ARL15: variants seen among roughly 807,000 people sequenced by gnomAD.
ARL15 encodes the protein ARF like GTPase 15.
Under a neutral mutation model 25.2 loss-of-function variants are expected in ARL15, and 19 were observed. The ratio of observed to expected loss-of-function variants is 0.75; its 90% CI spans 0.53 to 1.10. The LOEUF is 1.10. ARL15 is among the 50% of genes least tolerant of loss of function. The pLI is 0.00. For missense variants in ARL15, 220 were observed against 246.0 expected, an observed-to-expected ratio of 0.89 and a Z score of 0.71; for synonymous variants, 94 against 86.8, an observed-to-expected ratio of 1.08 and a Z score of -0.46.
intron 1 of ARL15, among the ~76,000 whole-genome samples, chr5:54,227,368 A>G (rs1756553501): frequency 6.6e-6 from 1 of 152,158 alleles, no homozygotes; most frequent in African/African-American, 2.4e-5. Context: ...ACCTAACCTC[A>G]TTGCCTTTAC....
chr5:54,013,707 GA>G (rs1419775872), intron 4 of ARL15, among the ~76,000 whole-genome samples: 1 of 152,120 alleles, frequency 6.6e-6, no homozygotes, highest in Non-Finnish European at 1.5e-5. Flanking sequence ...GCAACTGACT[GA>G]CTCCATCTAG....
intron 3 of ARL15, 59 bp from the exon 4 acceptor site, chr5:54,113,469 TC>T: frequency 2.0e-6 from 3 of 1,511,878 alleles, no homozygotes; most frequent in Non-Finnish European, 2.7e-6. Context: ...TGAAAAATGT[TC>T]CCAACAGTAA....
intron 4 of ARL15, among the ~76,000 whole-genome samples, chr5:53,906,204 C>T (rs961451472): frequency 1.3e-5 from 2 of 152,146 alleles, no homozygotes; most frequent in Non-Finnish European, 2.9e-5. Context: ...TATATGAAGT[C>T]GTGGACACCA....
At chr5:54,200,168 T>C in intron 1 of ARL15, among the ~76,000 whole-genome samples, 1 of 146,704 alleles carries the variant, frequency 6.8e-6, no homozygotes, top group African/African-American at 2.5e-5. Flanking sequence ...GGGGCAGGGA[T>C]AGCACCAGGA....
At chr5:54,003,690 AT>A in intron 4 of ARL15, among the ~76,000 whole-genome samples, 3 of 151,998 alleles carry the variant, frequency 2.0e-5, no homozygotes, top group Middle Eastern at 3.4e-3. Flanking sequence ...CTATCTATCT[AT>A]CTATCTATCT....
chr5:54,220,929 T>C (rs1044356169), intron 1 of ARL15, among the ~76,000 whole-genome samples: 2 of 152,126 alleles, frequency 1.3e-5, no homozygotes, highest in Non-Finnish European at 2.9e-5. Context: ...TGTGTCTTTT[T>C]TTTTTCCCTT....
At chr5:54,025,967 G>C (rs902380330) in intron 4 of ARL15, among the ~76,000 whole-genome samples, 23 of 152,190 alleles carry the variant, frequency 1.5e-4, no homozygotes, top group African/African-American at 5.1e-4. Flanking sequence ...CCAAGAAGCA[G>C]AGGGCTTGAT....
intron 3 of ARL15, among the ~76,000 whole-genome samples, chr5:54,143,978 A>G (rs1243650815): frequency 6.6e-6 from 1 of 152,054 alleles, no homozygotes; most frequent in Non-Finnish European, 1.5e-5. Context: ...CTAAATAAAA[A>G]AAGAACATAA....
At chr5:54,047,977 T>C (rs1024575650) in intron 4 of ARL15, 1 of 152,220 alleles carries the variant, frequency 6.6e-6, no homozygotes, top group Non-Finnish European at 1.5e-5. Context: ...TTCAGTTTTG[T>C]CTCCCTTTGT....
chr5:54,065,596 G>C (rs1306867016), intron 4 of ARL15, among the ~76,000 whole-genome samples: 1 of 96,616 alleles, frequency 1.0e-5, no homozygotes, highest in Non-Finnish European at 1.9e-5. Flanking sequence ...AACCCAGGAG[G>C]TGGGGTGGTT....
intron 4 of ARL15, among the ~76,000 whole-genome samples, chr5:53,986,138 T>C (rs1292228136): frequency 6.6e-6 from 1 of 152,140 alleles, no homozygotes; most frequent in African/African-American, 2.4e-5. Context: ...AAGAATAGAG[T>C]ACCTATCTAC....
intron 4 of ARL15, among the ~76,000 whole-genome samples, chr5:54,070,259 C>T (rs942651594): frequency 6.6e-6 from 1 of 151,058 alleles, no homozygotes; most frequent in African/African-American, 2.4e-5. Context: ...GGGCGTGGTG[C>T]CGGGCGCCTG....
chr5:54,035,096 GTTAA>G (rs1409364007), intron 4 of ARL15, among the ~76,000 whole-genome samples: 2 of 147,352 alleles, frequency 1.4e-5, no homozygotes, highest in Non-Finnish European at 3.0e-5. Context: ...AATGAAATAG[GTTAA>G]TTAAAAAAAA....
chr5:53,941,654 C>A (rs1443656566), intron 4 of ARL15, among the ~76,000 whole-genome samples: 1 of 152,174 alleles, frequency 6.6e-6, no homozygotes, highest in East Asian at 1.9e-4. Context: ...CCAGAACCCA[C>A]AAATTTGCCA....
chr5:54,013,492 G>A (rs1307421518), intron 4 of ARL15, among the ~76,000 whole-genome samples: 2 of 152,184 alleles, frequency 1.3e-5, no homozygotes, highest in African/African-American at 4.8e-5. Flanking sequence ...GACTGAAACT[G>A]CCTCTGTAAG....
chr5:54,268,752 C>T lies in ARL15; in HGVS notation c.48+41680G>A, dbSNP rs7704492. Among the ~76,000 whole-genome samples, 1,142 of 152,264 alleles carry T rather than the reference C, an allele frequency of 7.5e-3. 20 individuals are homozygous for T. The highest frequency in any genetic ancestry group is 0.026 in the African/African-American group (1,081 of 41,544). ...ACCCAAAGGACTATAAATCATGCTGCTATAAAGACACATGCACACATATGT... is the reference window on the plus strand; with the variant it reads ...ACCCAAAGGACTATAAATCATGCTGTTATAAAGACACATGCACACATATGT... On this transcript the variant is annotated intron_variant, in intron 1 of 4. Coordinates refer to ENST00000504924, the MANE Select transcript of ARL15 (RefSeq NM_019087.3).
At chr5:54,296,758 T>A (rs1758476625) in intron 1 of ARL15, among the ~76,000 whole-genome samples, 1 of 152,208 alleles carries the variant, frequency 6.6e-6, no homozygotes, top group African/African-American at 2.4e-5. Context: ...TTCTGTGCAG[T>A]GTCTAACAGG....
intron 1 of ARL15, among the ~76,000 whole-genome samples, chr5:54,188,256 A>G (rs1361207310): frequency 6.6e-6 from 1 of 152,208 alleles, no homozygotes; most frequent in African/African-American, 2.4e-5. Flanking sequence ...ACAGTAAACT[A>G]TCATGTTAAG....
intron 4 of ARL15, among the ~76,000 whole-genome samples, chr5:53,904,254 A>G: frequency 6.6e-6 from 1 of 152,218 alleles, no homozygotes; most frequent in Non-Finnish European, 1.5e-5. Context: ...CAGTGGACAC[A>G]TCACCCTGAA....
Sources: allele counts gnomAD v4.1 joint callset (sites outside exome capture counted in the v4.1 genomes callset), GRCh38; gene constraint gnomAD v4.1.1; transcripts MANE v1.5; gene names NCBI Gene and HGNC (gene_info 2026-07-23, HGNC 2026-07-21).